The following SLCO1B1 variants were observed in gnomAD, a reference collection of about 807,000 sequenced individuals.
SLCO1B1 encodes the protein solute carrier organic anion transporter family member 1B1.
In SLCO1B1, 81 loss-of-function variants were observed where a neutral mutation model predicts 70.1. The observed-to-expected ratio is 1.16, with a 90% CI of 0.97 to 1.39. SLCO1B1 has a LOEUF of 1.39. Among genes scored for constraint, SLCO1B1 ranks in the 40% most tolerant of loss-of-function variants. The probability of loss-of-function intolerance (pLI) is 0.00; values close to 1 mark genes in which losing one functional copy is unlikely to be tolerated. For missense variants in SLCO1B1, 895 were observed against 799.6 expected (o/e 1.12, Z -1.44); for synonymous variants, 283 against 271.5 (o/e 1.04, Z -0.42).
chr12:21,238,958 T>C, intron 14 of SLCO1B1, 21 bp from the exon 15 acceptor site: 1 of 1,436,554 alleles, frequency 7.0e-7, no homozygotes, highest in South Asian at 1.2e-5. Flanking sequence ...ATTTATTGTT[T>C]TATTTTCTCT....
At chr12:21,200,486 C>G in intron 8 of SLCO1B1, 22 bp from the exon 9 acceptor site, 1 of 1,492,672 alleles carries the variant, frequency 6.7e-7, no homozygotes, top group South Asian at 1.3e-5. Flanking sequence ...CAAATATTTT[C>G]TTTATTTTTA....
intron 11 of SLCO1B1, among the ~76,000 whole-genome samples, chr12:21,214,053 C>T (rs1941323567): frequency 6.6e-6 from 1 of 152,326 alleles, no homozygotes; most frequent in Non-Finnish European, 1.5e-5. Flanking sequence ...CTGAAGCCTT[C>T]TCTCAGCTCG....
chr12:21,166,841 A>T (rs1181269314), intron 2 of SLCO1B1, among the ~76,000 whole-genome samples: 1 of 152,178 alleles, frequency 6.6e-6, no homozygotes, highest in Non-Finnish European at 1.5e-5. Context: ...GCCTACAAAG[A>T]GGTGTTTATA....
chr12:21,162,342 T>C (rs971068246), intron 2 of SLCO1B1, among the ~76,000 whole-genome samples: 4 of 152,070 alleles, frequency 2.6e-5, no homozygotes, highest in Middle Eastern at 3.2e-3. Flanking sequence ...TAGAGAAAAA[T>C]GTAAATAAAG....
chr12:21,184,692 C>T (rs7959887), intron 7 of SLCO1B1, among the ~76,000 whole-genome samples: 13,300 of 152,046 alleles, frequency 0.087, 923 homozygotes, highest in East Asian at 0.25. Context: ...ACACATAAAG[C>T]AACTATACAA....
chr12:21,153,905 A>G (rs144535592), intron 2 of SLCO1B1, among the ~76,000 whole-genome samples: 1,793 of 152,094 alleles, frequency 0.012, 26 homozygotes, highest in Non-Finnish European at 0.015. Context: ...TCATTTTACT[A>G]TCACGAAGAA....
In SLCO1B1 at chr12:21,205,793, C is replaced by T. The variant is rs61760246; in HGVS notation, c.1332-75C>T. 3.3e-3 allele frequency: 3,588 copies of T among 1,075,956 alleles called. 11 individuals carry two copies. Among genetic ancestry groups the T allele is most frequent in the Middle Eastern group, 7.0e-3 (24 of 3,420 alleles). 66.7% of individuals were successfully genotyped at this position (1,075,956 alleles called of 1,614,324 possible). ...CTCTTTCTCTGCTTTCACTTTACTT[C>T]TTCCTTCTCCTCCCCTTCTTTGTCT... On this transcript the variant is annotated intron_variant, in intron 10 of 14. Transcript: ENST00000256958.
At chr12:21,147,274 T>C (rs1320270625) in intron 2 of SLCO1B1, among the ~76,000 whole-genome samples, 1 of 152,192 alleles carries the variant, frequency 6.6e-6, no homozygotes, top group Admixed American at 6.5e-5. Context: ...GGAATGTTTT[T>C]CTCCACTTCT....
chr12:21,239,020 C>A lies in SLCO1B1; in HGVS notation c.1907C>A (p.Ser636Ter). Residue 636 changes from serine (S) to a stop codon, truncating the protein, a stop_gained, in exon 15 of 15, where the codon TCA (serine) becomes TAA (stop). Coordinates refer to ENST00000256958, the MANE Select transcript of SLCO1B1 (RefSeq NM_006446.5). LOFTEE classifies it low-confidence loss of function (END_TRUNC). ...TTGTCTTCAATGTTAAGAGTCTCAT[C>A]ACTTGTTTTATATATTATATTAATT... ...LGLSSMLRVS[S>*]LVLYIILIYA... The A allele has an allele frequency of 6.3e-7, 1 of 1,587,028 alleles. No homozygotes were observed. The highest frequency in any genetic ancestry group is 8.6e-7 in the Non-Finnish European group (1 of 1,158,122).
intron 14 of SLCO1B1, among the ~76,000 whole-genome samples, chr12:21,235,935 C>T (rs994468525): frequency 2.6e-5 from 4 of 151,574 alleles, no homozygotes; most frequent in Non-Finnish European, 4.4e-5. Context: ...AATGGTATTT[C>T]CTTCATAAAT....
At chr12:21,132,598 A>G (rs1300720012) in intron 1 of SLCO1B1, among the ~76,000 whole-genome samples, 2 of 152,052 alleles carry the variant, frequency 1.3e-5, no homozygotes, top group East Asian at 1.9e-4. Flanking sequence ...GATGATGAGC[A>G]TTTTTTCACG....
chr12:21,186,016 C>A (rs1403781126), intron 7 of SLCO1B1, among the ~76,000 whole-genome samples: 2 of 151,846 alleles, frequency 1.3e-5, no homozygotes, highest in Admixed American at 6.6e-5. Flanking sequence ...AAAACCTGAA[C>A]AGACCGATAA....
Position 21,166,844 on chromosome 12 carries a change from T to C in SLCO1B1, c.85-5806T>C, listed in dbSNP as rs1940692726. Among the ~76,000 whole-genome samples the C allele has an allele frequency of 6.6e-5, 10 of 152,062 alleles. No homozygotes were observed. In the South Asian group the frequency reaches 2.1e-3, roughly 32 times the overall value. ...GTCTACACAACAGCCTACAAAGAGG[T>C]GTTTATAGCAGCCTTATTGATAATT... On this transcript the variant is annotated intron_variant, in intron 2 of 14. Coordinates refer to ENST00000256958, the MANE Select transcript of SLCO1B1 (RefSeq NM_006446.5).
chr12:21,148,911 T>C (rs914180790), intron 2 of SLCO1B1, among the ~76,000 whole-genome samples: 4 of 152,146 alleles, frequency 2.6e-5, no homozygotes, highest in Admixed American at 2.0e-4. Context: ...AGCAGTGGTT[T>C]GTAGTTCTCG....
At chr12:21,154,964 A>G (rs1940521050) in intron 2 of SLCO1B1, among the ~76,000 whole-genome samples, 1 of 151,986 alleles carries the variant, frequency 6.6e-6, no homozygotes, top group South Asian at 2.1e-4. Flanking sequence ...AGAAAGTGAT[A>G]TACTTTCTTT....
chr12:21,137,058 C>G (rs1940233563), intron 1 of SLCO1B1, among the ~76,000 whole-genome samples: 1 of 152,116 alleles, frequency 6.6e-6, no homozygotes, highest in Non-Finnish European at 1.5e-5. Context: ...CAGACAGGAC[C>G]CTCAGCTGCA....
At chr12:21,140,143 A>G (rs908372183) in intron 1 of SLCO1B1, among the ~76,000 whole-genome samples, 4 of 152,090 alleles carry the variant, frequency 2.6e-5, no homozygotes, top group Non-Finnish European at 4.4e-5. Flanking sequence ...ACATCTCTCC[A>G]AGGAACAATG....
intron 11 of SLCO1B1, among the ~76,000 whole-genome samples, chr12:21,209,606 C>T (rs61926208): frequency 4.0e-5 from 6 of 151,892 alleles, no homozygotes; most frequent in Admixed American, 2.6e-4. Context: ...ATGGTATTTC[C>T]AGTTCTAGAT....
At chr12:21,217,404 T>G in intron 12 of SLCO1B1, 101 bp downstream of exon 12, 1 of 907,018 alleles carries the variant, frequency 1.1e-6, no homozygotes, top group Non-Finnish European at 1.7e-6. Flanking sequence ...CAAATTCATA[T>G]TTCATCAAAT....
Sources: allele counts gnomAD v4.1 joint callset (sites outside exome capture counted in the v4.1 genomes callset), GRCh38; gene constraint gnomAD v4.1.1; transcripts MANE v1.5; gene names NCBI Gene and HGNC (gene_info 2026-07-23, HGNC 2026-07-21).